ROBO1: variants seen among roughly 807,000 people sequenced by gnomAD.
ROBO1 encodes roundabout guidance receptor 1, also known as roundabout homolog 1.
In ROBO1, 149 loss-of-function variants were observed where a neutral mutation model predicts 195.9. The observed-to-expected ratio is 0.76, with a 90% CI of 0.67 to 0.87. ROBO1 has a LOEUF of 0.87. ROBO1 is among the 40% of genes least tolerant of loss of function. ROBO1 has a pLI of 0.00. For missense variants in ROBO1, 1,933 were observed against 2,068.3 expected (o/e 0.93, Z 1.27); for synonymous variants, 816 against 733.2 (o/e 1.11, Z -1.82).
At chr3:79,206,145 G>A (rs759295265) in intron 2 of ROBO1, among the ~76,000 whole-genome samples, 6 of 152,192 alleles carry the variant, frequency 3.9e-5, no homozygotes, top group Non-Finnish European at 5.9e-5. Context: ...CAGCTGGCAT[G>A]TGAATCATCC....
chr3:79,262,306 G>A (rs1007148145), intron 2 of ROBO1, among the ~76,000 whole-genome samples: 2 of 151,942 alleles, frequency 1.3e-5, no homozygotes, highest in Admixed American at 6.6e-5. Context: ...CTTTCTCATC[G>A]ATTCTCTCTC....
chr3:78,951,472 AC>A (rs2040784410), intron 3 of ROBO1, among the ~76,000 whole-genome samples: 1 of 152,118 alleles, frequency 6.6e-6, no homozygotes, highest in South Asian at 2.1e-4. Flanking sequence ...GGTTTCAACC[AC>A]ATTCTGCATA....
At chr3:79,266,678 GAGT>G (rs1360781842) in intron 2 of ROBO1, among the ~76,000 whole-genome samples, 1 of 151,542 alleles carries the variant, frequency 6.6e-6, no homozygotes, top group Non-Finnish European at 1.5e-5. Flanking sequence ...TCCAAACCCT[GAGT>G]AGGTCTATTT....
intron 1 of ROBO1, among the ~76,000 whole-genome samples, chr3:79,607,694 T>A (rs1944533502): frequency 6.6e-6 from 1 of 151,838 alleles, no homozygotes; most frequent in African/African-American, 2.4e-5. Flanking sequence ...CTGATGAAAG[T>A]GAATTTAGAT....
intron 2 of ROBO1, among the ~76,000 whole-genome samples, chr3:79,419,472 C>A (rs539146796): frequency 2.0e-5 from 3 of 152,214 alleles, no homozygotes; most frequent in African/African-American, 7.2e-5. Flanking sequence ...TGTTGAGAAA[C>A]TAAAGGGTGG....
chr3:79,412,530 A>G (rs893325663), intron 2 of ROBO1, among the ~76,000 whole-genome samples: 3 of 152,168 alleles, frequency 2.0e-5, no homozygotes, highest in Non-Finnish European at 2.9e-5. Context: ...TAAGGAAAGA[A>G]AAAAATCCCA....
chr3:78,865,305 A>G (rs1029509033), intron 4 of ROBO1, among the ~76,000 whole-genome samples: 2 of 152,184 alleles, frequency 1.3e-5, no homozygotes, highest in Non-Finnish European at 2.9e-5. Context: ...TGTGGTGAAA[A>G]TGCTACATTG....
chr3:79,311,582 C>T (rs1038741981), intron 2 of ROBO1, among the ~76,000 whole-genome samples: 29 of 152,036 alleles, frequency 1.9e-4, no homozygotes, highest in African/African-American at 6.3e-4. Context: ...GATCTAGGTC[C>T]TATAGATGTA....
intron 3 of ROBO1, 54 bp downstream of exon 3, chr3:79,125,402 T>C: frequency 7.2e-7 from 1 of 1,380,506 alleles, no homozygotes; most frequent in Non-Finnish European, 1.0e-6. Context: ...TGATGGTTGA[T>C]GGAGGTGGAG....
At chr3:79,378,319 C>A (rs2036454939) in intron 2 of ROBO1, among the ~76,000 whole-genome samples, 1 of 152,036 alleles carries the variant, frequency 6.6e-6, no homozygotes, top group Non-Finnish European at 1.5e-5. Context: ...TGCCAGCCTC[C>A]AGCATGGGCC....
chr3:79,180,033 A>C (rs2108727992), intron 2 of ROBO1, among the ~76,000 whole-genome samples: 1 of 152,272 alleles, frequency 6.6e-6, no homozygotes, highest in South Asian at 2.1e-4. Flanking sequence ...TTTATCCAAT[A>C]GTATCTTCTA....
chr3:79,537,030 A>G (rs759023056), intron 2 of ROBO1, among the ~76,000 whole-genome samples: 1 of 107,786 alleles, frequency 9.3e-6, no homozygotes, highest in Non-Finnish European at 2.1e-5. Flanking sequence ...ACAGTAAAAG[A>G]AACAATATTT....
chr3:79,006,756 G>GAAAAA (rs1559583333), intron 3 of ROBO1, among the ~76,000 whole-genome samples: 1 of 48,306 alleles, frequency 2.1e-5, no homozygotes. Context: ...ACAAAATATC[G>GAAAAA]GAAAAAAAAA....
chr3:78,851,426 T>C (rs9309820), intron 4 of ROBO1, among the ~76,000 whole-genome samples: 42,859 of 152,148 alleles, frequency 0.28, 7,305 homozygotes, highest in South Asian at 0.49. Context: ...CCAGTCCTTA[T>C]GGCATTTGGG....
chr3:79,226,035 T>C (rs946300443), intron 2 of ROBO1, among the ~76,000 whole-genome samples: 10 of 152,310 alleles, frequency 6.6e-5, no homozygotes, highest in Admixed American at 2.6e-4. Context: ...CAACCTCCTG[T>C]CTTACAGTTT....
chr3:78,695,498 A>G (rs2081267229), intron 8 of ROBO1, among the ~76,000 whole-genome samples: 1 of 151,674 alleles, frequency 6.6e-6, no homozygotes, highest in Non-Finnish European at 1.5e-5. Flanking sequence ...GGTGGCACGC[A>G]CCTGCAGTCC....
chr3:79,258,174 T>G (rs939594348), intron 2 of ROBO1, among the ~76,000 whole-genome samples: 1 of 152,198 alleles, frequency 6.6e-6, no homozygotes, highest in African/African-American at 2.4e-5. Context: ...TTTATACCCT[T>G]GCTACACTTC....
chr3:79,549,869 G>A (rs1942411933), intron 2 of ROBO1, among the ~76,000 whole-genome samples: 1 of 152,066 alleles, frequency 6.6e-6, no homozygotes, highest in Non-Finnish European at 1.5e-5. Flanking sequence ...CCCAGGAAAG[G>A]TGACCTCATC....
chr3:79,367,651 T>C (rs75966642), intron 2 of ROBO1, among the ~76,000 whole-genome samples: 1 of 152,156 alleles, frequency 6.6e-6, no homozygotes, highest in Non-Finnish European at 1.5e-5. Context: ...TAAATGTGAA[T>C]AATAATAGTA....
Sources: allele counts gnomAD v4.1 joint callset (sites outside exome capture counted in the v4.1 genomes callset), GRCh38; gene constraint gnomAD v4.1.1; transcripts MANE v1.5; gene names NCBI Gene and HGNC (gene_info 2026-07-23, HGNC 2026-07-21).